THEM4: variants seen among roughly 807,000 people sequenced by gnomAD.
THEM4 encodes acyl-coenzyme A thioesterase THEM4.
Under a neutral mutation model 25.0 loss-of-function variants are expected in THEM4, and 22 were observed. That is an observed-to-expected ratio of 0.88 (90% CI 0.63 to 1.26). The LOEUF (loss-of-function observed/expected upper bound fraction) is 1.26, where lower values mean the gene tolerates loss of function less well. Ranked by LOEUF, THEM4 falls within the 50% of genes most tolerant of loss-of-function variation. THEM4 has a pLI of 0.00. For missense variants in THEM4, 286 were observed against 300.3 expected, an observed-to-expected ratio of 0.95 and a Z score of 0.35; for synonymous variants, 113 against 105.6, an observed-to-expected ratio of 1.07 and a Z score of -0.43.
chr1:151,885,639 G>T (rs1020902612), intron 4 of THEM4, among the ~76,000 whole-genome samples: 1 of 152,204 alleles, frequency 6.6e-6, no homozygotes, highest in Non-Finnish European at 1.5e-5. Context: ...TGAAGAAATC[G>T]AATCAGGAGC....
intron 1 of THEM4, among the ~76,000 whole-genome samples, chr1:151,903,775 A>T (rs1446114890): frequency 6.6e-6 from 1 of 152,240 alleles, no homozygotes; most frequent in Non-Finnish European, 1.5e-5. Flanking sequence ...TAACACTAGG[A>T]TCCATCAGTT....
intron 2 of THEM4, 59 bp downstream of exon 2, chr1:151,894,949 C>T (rs1429952232): frequency 6.4e-7 from 1 of 1,552,962 alleles, no homozygotes; most frequent in Non-Finnish European, 8.9e-7. Flanking sequence ...GTACTTCAAT[C>T]TGTTCTTAGC....
intron 4 of THEM4, among the ~76,000 whole-genome samples, chr1:151,885,554 C>T (rs949600313): frequency 6.6e-6 from 1 of 152,042 alleles, no homozygotes; most frequent in Non-Finnish European, 1.5e-5. Flanking sequence ...AGTTTCTTTC[C>T]TTGTGTATTT....
chr1:151,900,152 A>G (rs1654320667), intron 1 of THEM4, among the ~76,000 whole-genome samples: 1 of 152,236 alleles, frequency 6.6e-6, no homozygotes, highest in Admixed American at 6.5e-5. Context: ...AACTGCTAAA[A>G]GGAGCTCTAA....
intron 4 of THEM4, among the ~76,000 whole-genome samples, chr1:151,883,704 G>A (rs557808094): frequency 3.3e-4 from 49 of 150,418 alleles, no homozygotes; most frequent in South Asian, 1.1e-3. Context: ...GCATGATCTC[G>A]GCTCATTGCA....
intron 3 of THEM4, among the ~76,000 whole-genome samples, chr1:151,888,851 A>G (rs1209453811): frequency 6.7e-6 from 1 of 149,994 alleles, no homozygotes; most frequent in Non-Finnish European, 1.5e-5. Flanking sequence ...AACTATACAT[A>G]TTCATTGTTT....
Position 151,904,118 on chromosome 1 carries a change from T to C in THEM4, c.99+5242A>G, listed in dbSNP as rs189023558. ...GATAAAAAGTTCATTAAGGAGAGAATGGGGAGGGGGCCTGCTCCAAGCGAA... is the reference window on the plus strand; with the variant it reads ...GATAAAAAGTTCATTAAGGAGAGAACGGGGAGGGGGCCTGCTCCAAGCGAA... On this transcript the variant is annotated intron_variant, in intron 1 of 5. Coordinates refer to ENST00000368814, the MANE Select transcript of THEM4 (RefSeq NM_053055.5). Among the ~76,000 whole-genome samples, 367 of 152,138 alleles carry C rather than the reference T, an allele frequency of 2.4e-3. 2 individuals are homozygous for C. Among genetic ancestry groups the C allele is most frequent in the African/African-American group, 7.8e-3 (323 of 41,500 alleles).
chr1:151,888,252 A>G, intron 4 of THEM4, 21 bp downstream of exon 4: 1 of 1,585,408 alleles, frequency 6.3e-7, no homozygotes, highest in Non-Finnish European at 8.6e-7. Context: ...AAGGATAAAT[A>G]GAGAATTACT....
intron 1 of THEM4, among the ~76,000 whole-genome samples, chr1:151,907,802 A>G (rs910114956): frequency 2.6e-5 from 4 of 152,202 alleles, no homozygotes; most frequent in Non-Finnish European, 5.9e-5. Flanking sequence ...ACCCACCCCA[A>G]TGGTCACCAG....
At chr1:151,908,780 A>G (rs1272195381) in intron 1 of THEM4, among the ~76,000 whole-genome samples, 1 of 152,244 alleles carries the variant, frequency 6.6e-6, no homozygotes, top group African/African-American at 2.4e-5. Flanking sequence ...AAGAGGGGCG[A>G]TCTCTGTTTT....
At chr1:151,875,100 CA>C (rs1653645172) in intron 5 of THEM4, among the ~76,000 whole-genome samples, 172 bp from the exon 6 acceptor site, 1 of 152,186 alleles carries the variant, frequency 6.6e-6, no homozygotes, top group Non-Finnish European at 1.5e-5. Flanking sequence ...TTGACTATCA[CA>C]ATACTGTATT....
At chr1:151,909,289 GA>G in intron 1 of THEM4, 70 bp downstream of exon 1, 1 of 1,301,772 alleles carries the variant, frequency 7.7e-7, no homozygotes, top group Admixed American at 2.3e-5. Flanking sequence ...GATAACAATC[GA>G]AGGCTCTGTT....
chr1:151,906,354 G>A (rs939171879), intron 1 of THEM4, among the ~76,000 whole-genome samples: 2 of 152,254 alleles, frequency 1.3e-5, no homozygotes, highest in Non-Finnish European at 2.9e-5. Context: ...TTTCTCACTG[G>A]GCCTTACCTG....
In THEM4 at chr1:151,872,640, C is replaced by G. The variant is rs569324947; in HGVS notation, c.*2248G>C. On this transcript the variant is annotated 3_prime_UTR_variant, in exon 6 of 6. Transcript: ENST00000368814. Reference sequence around the variant, plus strand: ...GTTAATCTGTAACTTTAGCCCCAACCCTGTGCTTACAGAAACATGTGCTGT... The same window carrying G: ...GTTAATCTGTAACTTTAGCCCCAACGCTGTGCTTACAGAAACATGTGCTGT... 4.4e-4 allele frequency among the ~76,000 whole-genome samples: 67 copies of G among 152,244 alleles called. No individual in the cohort carries two copies. Among genetic ancestry groups the G allele is most frequent in the Non-Finnish European group, 8.1e-4 (55 of 68,028 alleles).
chr1:151,895,019 G>A lies in THEM4; in HGVS notation c.275C>T (p.Thr92Ile). 1 of 1,614,102 alleles carries A rather than the reference G, an allele frequency of 6.2e-7. No individual in the cohort carries two copies. Among genetic ancestry groups the A allele is most frequent in the Non-Finnish European group, 8.5e-7 (1 of 1,180,010 alleles). ...TPTEWIQDFKTHFLDPKLMKE... is the reference protein window; with the variant it reads ...TPTEWIQDFKIHFLDPKLMKE... The stretch of plus-strand genomic sequence containing the variant: ...GTGGCTGTTTCTACCAAGAAAATGG[G>A]TTTTGAAGTCTTGAATCCATTCAGT... Residue 92 changes from threonine (T) to isoleucine (I), a missense_variant, in exon 2 of 6, where the codon ACC (threonine) becomes ATC (isoleucine). By Grantham distance (89) the Thr-to-Ile change is moderately conservative. Coordinates refer to ENST00000368814, the MANE Select transcript of THEM4 (RefSeq NM_053055.5).
chr1:151,893,544 A>C (rs944346009), intron 2 of THEM4, among the ~76,000 whole-genome samples: 2 of 152,168 alleles, frequency 1.3e-5, no homozygotes, highest in African/African-American at 4.8e-5. Flanking sequence ...AATGGAATGC[A>C]GCGCACAAAT....
rs34578595 is a variant in THEM4, at chr1:151,874,364, G to GTTTTTTTTT, written c.*515_*523dup. 1 of 146,034 alleles carries GTTTTTTTTT rather than the reference G, an allele frequency of 6.8e-6. No individual in the cohort carries two copies. Among genetic ancestry groups the GTTTTTTTTT allele is most frequent in the Non-Finnish European group, 1.5e-5 (1 of 66,658 alleles). 9.0% of individuals were successfully genotyped at this position (146,034 alleles called of 1,614,324 possible). On this transcript the variant is annotated 3_prime_UTR_variant, in exon 6 of 6. Coordinates refer to ENST00000368814, the MANE Select transcript of THEM4 (RefSeq NM_053055.5). ...GGTAACATATCCTAAGGAGACAAGA[G>GTTTTTTTTT]TTTTTTTTTTTTGTTTGTTTGTTTG...
intron 1 of THEM4, among the ~76,000 whole-genome samples, chr1:151,896,845 A>G (rs1412154203): frequency 6.6e-6 from 1 of 152,226 alleles, no homozygotes; most frequent in Non-Finnish European, 1.5e-5. Context: ...GGTAAGGGAA[A>G]AAGAGAAATA....
At chr1:151,880,825 C>G (rs1220464598) in intron 4 of THEM4, among the ~76,000 whole-genome samples, 1 of 152,084 alleles carries the variant, frequency 6.6e-6, no homozygotes, top group Non-Finnish European at 1.5e-5. Flanking sequence ...ATATTATAAT[C>G]TGTCTTTGAA....
Sources: allele counts gnomAD v4.1 joint callset (sites outside exome capture counted in the v4.1 genomes callset), GRCh38; gene constraint gnomAD v4.1.1; transcripts MANE v1.5; gene names NCBI Gene and HGNC (gene_info 2026-07-23, HGNC 2026-07-21).